PARVA: variants seen among roughly 807,000 people sequenced by gnomAD.
The protein encoded by PARVA is parvin alpha.
PARVA carries 25 observed loss-of-function variants against 52.6 expected under a neutral mutation model. The observed-to-expected ratio is 0.48, with a 90% CI of 0.35 to 0.66. The LOEUF (loss-of-function observed/expected upper bound fraction) is 0.66, where lower values mean the gene tolerates loss of function less well. Among genes scored for constraint, PARVA ranks in the 30% least tolerant of loss-of-function variants. The pLI, the probability that PARVA is intolerant of heterozygous loss-of-function variation, is 0.01. For synonymous variants in PARVA, 185 were observed against 179.1 expected (o/e 1.03, Z -0.26); for missense variants, 373 against 450.9 (o/e 0.83, Z 1.56).
chr11:12,394,377 A>G (rs1361033385), intron 1 of PARVA, among the ~76,000 whole-genome samples: 1 of 152,252 alleles, frequency 6.6e-6, no homozygotes, highest in Non-Finnish European at 1.5e-5. Context: ...GAGACTATCA[A>G]GAAAATGTAA....
intron 6 of PARVA, among the ~76,000 whole-genome samples, chr11:12,505,095 T>C (rs1941417957): frequency 6.6e-6 from 1 of 152,224 alleles, no homozygotes; most frequent in Non-Finnish European, 1.5e-5. Flanking sequence ...GCTCTCTCCC[T>C]GTGACTATCT....
At chr11:12,418,286 C>T (rs1376484421) in intron 1 of PARVA, among the ~76,000 whole-genome samples, 2 of 152,146 alleles carry the variant, frequency 1.3e-5, no homozygotes, top group Non-Finnish European at 2.9e-5. Flanking sequence ...AGTTTTGTTC[C>T]CTTAGTTTGG....
chr11:12,381,805 T>C (rs1717518872), intron 1 of PARVA, among the ~76,000 whole-genome samples: 1 of 152,322 alleles, frequency 6.6e-6, no homozygotes, highest in Middle Eastern at 3.4e-3. Flanking sequence ...CTGACTGAAA[T>C]GGTAGGTAAC....
At chr11:12,497,215 G>A (rs943020342) in intron 5 of PARVA, among the ~76,000 whole-genome samples, 1 of 152,142 alleles carries the variant, frequency 6.6e-6, no homozygotes, top group African/African-American at 2.4e-5. Flanking sequence ...AAGGCCCGGT[G>A]TCTAATACAG....
intron 1 of PARVA, among the ~76,000 whole-genome samples, chr11:12,438,383 T>A (rs1308070971): frequency 2.0e-5 from 3 of 152,008 alleles, no homozygotes; most frequent in Non-Finnish European, 4.4e-5. Context: ...TATCCTATGA[T>A]GAGAGAGCAA....
chr11:12,476,849 G>A (rs1316604553), intron 3 of PARVA, among the ~76,000 whole-genome samples: 1 of 152,188 alleles, frequency 6.6e-6, no homozygotes, highest in Non-Finnish European at 1.5e-5. Flanking sequence ...TCTGGCTATT[G>A]CTGTGTTATA....
chr11:12,520,138 T>C (rs192361287), intron 12 of PARVA, among the ~76,000 whole-genome samples: 62 of 152,218 alleles, frequency 4.1e-4, no homozygotes, highest in Non-Finnish European at 6.9e-4. Flanking sequence ...TTTTGGAATA[T>C]AGGTGATATT....
chr11:12,376,493 A>T (rs1939389735), upstream of PARVA, among the ~76,000 whole-genome samples: 1 of 152,242 alleles, frequency 6.6e-6, no homozygotes, highest in Non-Finnish European at 1.5e-5. Context: ...GCGAATGATC[A>T]TCAGTCACGA....
chr11:12,475,682 G>A (rs1284621887), intron 3 of PARVA, among the ~76,000 whole-genome samples: 1 of 152,148 alleles, frequency 6.6e-6, no homozygotes, highest in Non-Finnish European at 1.5e-5. Context: ...ATGTGTAAAT[G>A]TCCCTTCTGT....
chr11:12,521,057 G>A (rs564233066), intron 12 of PARVA, among the ~76,000 whole-genome samples: 3 of 152,310 alleles, frequency 2.0e-5, no homozygotes, highest in Non-Finnish European at 4.4e-5. Context: ...CTTTCAAGTA[G>A]ACTCATCATC....
chr11:12,485,742 C>T (rs1337625766), intron 4 of PARVA, among the ~76,000 whole-genome samples: 1 of 152,108 alleles, frequency 6.6e-6, no homozygotes, highest in East Asian at 1.9e-4. Context: ...TTCCACAATC[C>T]TTGAGTGGCT....
At chr11:12,517,170 T>G (rs1240676530) in intron 10 of PARVA, among the ~76,000 whole-genome samples, 1 of 152,006 alleles carries the variant, frequency 6.6e-6, no homozygotes, top group Non-Finnish European at 1.5e-5. Context: ...CTCTGATGCC[T>G]TCAGTGCTTG....
At chr11:12,496,357 T>TGCATGAGTGCATGCAC in intron 4 of PARVA, 101 bp from the exon 5 acceptor site, 3 of 1,224,768 alleles carry the variant, frequency 2.4e-6, no homozygotes, top group Non-Finnish European at 3.4e-6. Context: ...AGTGCATGCA[T>TGCATGAGTGCATGCAC]GCATGAGTGC....
At chr11:12,495,205 A>T (rs368956806) in intron 4 of PARVA, among the ~76,000 whole-genome samples, 32 of 152,330 alleles carry the variant, frequency 2.1e-4, no homozygotes, top group African/African-American at 7.7e-4. Flanking sequence ...ACTAAAGAGA[A>T]CATTTCAGGC....
chr11:12,420,158 GA>G (rs1342350386), intron 1 of PARVA, among the ~76,000 whole-genome samples: 1 of 151,846 alleles, frequency 6.6e-6, no homozygotes, highest in African/African-American at 2.4e-5. Flanking sequence ...GACTTTAGGA[GA>G]AAAAAAGGGT....
rs115133265 is a variant in PARVA at position 12,442,202 on chromosome 11, G to A, written c.137-31543G>A. 2.4e-3 allele frequency among the ~76,000 whole-genome samples: 362 copies of A among 152,396 alleles called. 1 individual carries two copies. Among genetic ancestry groups the A allele is most frequent in the African/African-American group, 8.2e-3 (343 of 41,598 alleles). On this transcript the variant is annotated intron_variant, in intron 1 of 12. Coordinates refer to ENST00000334956, the MANE Select transcript of PARVA (RefSeq NM_018222.5). ...GACTGAGGATAAGGAGTCCTGGACA[G>A]GGAGGACCTTTGGGCAGTGCCCGAT...
chr11:12,510,526 T>C (rs370519924), intron 7 of PARVA, among the ~76,000 whole-genome samples: 46 of 152,302 alleles, frequency 3.0e-4, no homozygotes, highest in African/African-American at 1.1e-3. Context: ...TGTATGAGTT[T>C]TTTTTCCACA....
chr11:12,472,173 T>C (rs1188848496), intron 1 of PARVA, among the ~76,000 whole-genome samples: 3 of 152,202 alleles, frequency 2.0e-5, no homozygotes, highest in Admixed American at 2.0e-4. Context: ...GGAGGAGGAT[T>C]GTCTTAGGCC....
chr11:12,514,398 T>G (rs1941544028), intron 10 of PARVA, among the ~76,000 whole-genome samples: 1 of 152,190 alleles, frequency 6.6e-6, no homozygotes. Context: ...CACAACACAA[T>G]TATCAAAGGC....
Sources: gnomAD v4.1 joint callset for allele counts (sites outside exome capture counted in the v4.1 genomes callset) on GRCh38, gnomAD v4.1.1 for gene constraint, MANE v1.5 for transcripts, NCBI Gene and HGNC (gene_info 2026-07-23, HGNC 2026-07-21) for gene names.